The following GAB2 variants were observed in gnomAD, a reference collection of about 807,000 sequenced individuals.
GAB2 encodes the protein GRB2-associated-binding protein 2.
GAB2 carries 26 observed loss-of-function variants against 65.5 expected under a neutral mutation model. That is an observed-to-expected ratio of 0.40 (90% CI 0.29 to 0.55). The LOEUF (loss-of-function observed/expected upper bound fraction) is 0.55. GAB2 is among the 20% of genes least tolerant of loss of function. The pLI, the probability that GAB2 is intolerant of heterozygous loss-of-function variation, is 0.53. For missense variants in GAB2, 884 were observed against 875.8 expected, an observed-to-expected ratio of 1.01 and a Z score of -0.12; for synonymous variants, 321 against 329.6, an observed-to-expected ratio of 0.97 and a Z score of 0.28.
At chr11:78,348,844 T>G (rs181585353) in intron 1 of GAB2, among the ~76,000 whole-genome samples, 3 of 152,168 alleles carry the variant, frequency 2.0e-5, no homozygotes, top group Non-Finnish European at 4.4e-5. Flanking sequence ...AGGTGGTATA[T>G]CCACACAATG....
chr11:78,223,932 A>G (rs180852760), intron 5 of GAB2, among the ~76,000 whole-genome samples: 1 of 152,128 alleles, frequency 6.6e-6, no homozygotes, highest in Non-Finnish European at 1.5e-5. Flanking sequence ...AATCCAAAGT[A>G]TTAGCTGGGC....
intron 2 of GAB2, among the ~76,000 whole-genome samples, chr11:78,266,734 A>G (rs1483328412): frequency 2.0e-5 from 3 of 152,186 alleles, no homozygotes; most frequent in African/African-American, 7.2e-5. Flanking sequence ...AGAATCACTA[A>G]GAGGAGTTCC....
rs901103 is a variant in GAB2, at chr11:78,220,300, C to A, written c.1887+19G>T. The A allele has an allele frequency of 1.3e-4, 214 of 1,611,216 alleles. 1 individual carries two copies. The highest frequency in any genetic ancestry group is 4.3e-4 in the Middle Eastern group (2 of 4,650). On this transcript the variant is annotated intron_variant, in intron 9 of 9. Transcript: ENST00000361507. Reference sequence around the variant, plus strand: ...GACCCTGAGAGCTCTTACTGCCCCCCCAACTCTACTCCAGGCACCTTGCGG... The same window carrying A: ...GACCCTGAGAGCTCTTACTGCCCCCACAACTCTACTCCAGGCACCTTGCGG...
intron 2 of GAB2, among the ~76,000 whole-genome samples, chr11:78,264,687 C>T (rs974713947): frequency 2.6e-5 from 4 of 152,052 alleles, no homozygotes; most frequent in East Asian, 3.9e-4. Flanking sequence ...GGATTACAGG[C>T]GTGAGCCACA....
In GAB2 at chr11:78,361,599, A is replaced by G. The variant is rs11600632; in HGVS notation, c.75+56047T>C. 7.9e-3 allele frequency among the ~76,000 whole-genome samples: 1,211 copies of G among 152,360 alleles called. 5 individuals are homozygous for G. Among genetic ancestry groups the G allele is most frequent in the Non-Finnish European group, 0.011 (781 of 68,038 alleles). On this transcript the variant is annotated intron_variant, in intron 1 of 9. Transcript: ENST00000361507. ...AAAATAAGCAAATGTTCACAGACAA[A>G]TAACTATAAATGATTTTTAAACATG...
At chr11:78,346,860 GCT>G (rs1458443191) in intron 1 of GAB2, among the ~76,000 whole-genome samples, 2 of 151,274 alleles carry the variant, frequency 1.3e-5, no homozygotes, top group Non-Finnish European at 2.9e-5. Context: ...AGCCAGGGGA[GCT>G]CTCTCATGAT....
At chr11:78,341,636 A>G in intron 1 of GAB2, 1 of 333,876 alleles carries the variant, frequency 3.0e-6, no homozygotes, top group Non-Finnish European at 4.3e-6. Flanking sequence ...AGTAGTCAAC[A>G]ATTTCACTTT....
intron 2 of GAB2, among the ~76,000 whole-genome samples, chr11:78,251,995 A>T (rs1565126760): frequency 6.6e-6 from 1 of 152,276 alleles, no homozygotes; most frequent in East Asian, 1.9e-4. Flanking sequence ...CGAAAGAAAT[A>T]AAAGTTTAAA....
intron 1 of GAB2, among the ~76,000 whole-genome samples, chr11:78,315,148 GTC>G (rs1855576672): frequency 6.6e-6 from 1 of 152,154 alleles, no homozygotes; most frequent in African/African-American, 2.4e-5. Context: ...GGGGGAGGAG[GTC>G]TCTGAGTGAA....
chr11:78,251,718 T>G (rs1865460464), intron 2 of GAB2, among the ~76,000 whole-genome samples: 1 of 151,618 alleles, frequency 6.6e-6, no homozygotes, highest in South Asian at 2.1e-4. Context: ...GATATCATAT[T>G]CTCTCCCAAA....
intron 1 of GAB2, among the ~76,000 whole-genome samples, chr11:78,294,898 TTAAAC>T (rs976322190): frequency 3.9e-5 from 6 of 152,124 alleles, no homozygotes; most frequent in African/African-American, 1.4e-4. Flanking sequence ...TGGGATCTAA[TTAAAC>T]TAAAGAGCTT....
intron 3 of GAB2, among the ~76,000 whole-genome samples, chr11:78,238,211 A>C (rs1865036449): frequency 1.3e-5 from 2 of 150,822 alleles, no homozygotes; most frequent in Admixed American, 1.3e-4. Flanking sequence ...AGAAACAAAA[A>C]AAAAAAAAAA....
At chr11:78,300,426 CT>C (rs537210672) in intron 1 of GAB2, among the ~76,000 whole-genome samples, 170 of 151,140 alleles carry the variant, frequency 1.1e-3, no homozygotes, top group African/African-American at 3.9e-3. Context: ...TTGTACAAGT[CT>C]TTTTTGTGAG....
chr11:78,220,294 GCCC>G, intron 9 of GAB2, 22 bp downstream of exon 9: 2 of 1,610,346 alleles, frequency 1.2e-6, no homozygotes, highest in Non-Finnish European at 8.5e-7. Flanking sequence ...AGCTCTTACT[GCCC>G]CCCCAACTCT....
rs5792803 is a variant in GAB2 at position 78,309,464 on chromosome 11, C to CT, written c.76-28564dup. 3.5e-3 allele frequency among the ~76,000 whole-genome samples: 483 copies of CT among 137,424 alleles called. 2 individuals carry two copies. Among genetic ancestry groups the CT allele is most frequent in the African/African-American group, 0.012 (443 of 36,976 alleles). 90.2% of individuals were successfully genotyped at this position (137,424 alleles called of 152,430 possible). On this transcript the variant is annotated intron_variant, in intron 1 of 9. Coordinates refer to ENST00000361507, the MANE Select transcript of GAB2 (RefSeq NM_080491.3). ...CTTGTGGTTAAACCCTGCCCCCTGC[C>CT]TTTTTTTTTTTTTTTTTTAAATTGA...
chr11:78,380,300 C>T (rs542623423), intron 1 of GAB2, among the ~76,000 whole-genome samples: 3 of 152,218 alleles, frequency 2.0e-5, no homozygotes, highest in South Asian at 4.1e-4. Context: ...CTCCGCCTCC[C>T]GGGTTCAAGT....
At chr11:78,221,993 G>C (rs535787107) in intron 7 of GAB2, 112 bp downstream of exon 7, 154 of 773,416 alleles carry the variant, frequency 2.0e-4, no homozygotes, top group Non-Finnish European at 3.3e-4. Context: ...ATCAGCTAAT[G>C]ATAGCGTTAG....
At chr11:78,386,122 A>G (rs567316054) in intron 1 of GAB2, among the ~76,000 whole-genome samples, 4 of 152,314 alleles carry the variant, frequency 2.6e-5, no homozygotes, top group African/African-American at 9.6e-5. Context: ...GGGCCCTCTC[A>G]AGGGAGTTCA....
chr11:78,328,346 A>T (rs1363078878), intron 1 of GAB2, among the ~76,000 whole-genome samples: 1 of 152,234 alleles, frequency 6.6e-6, no homozygotes, highest in Non-Finnish European at 1.5e-5. Context: ...AAGGCTTTTT[A>T]AAAAAGACAT....
Sources: gnomAD v4.1 joint callset for allele counts (sites outside exome capture counted in the v4.1 genomes callset) on GRCh38, gnomAD v4.1.1 for gene constraint, MANE v1.5 for transcripts, NCBI Gene and HGNC (gene_info 2026-07-23, HGNC 2026-07-21) for gene names.